Variants in TENM3 observed in about 807,000 individuals in gnomAD.
TENM3 encodes the protein teneurin transmembrane protein 3.
A neutral mutation model predicts 255.1 loss-of-function variants in TENM3; 63 were observed. That is an observed-to-expected ratio of 0.25 (90% CI 0.20 to 0.30). TENM3 has a LOEUF of 0.30. TENM3 is among the 10% of genes least tolerant of loss of function. TENM3 has a pLI of 1.00. For missense variants in TENM3, 2,929 were observed against 3,461.1 expected, an observed-to-expected ratio of 0.85 and a Z score of 3.86; for synonymous variants, 1,306 against 1,322.3, an observed-to-expected ratio of 0.99 and a Z score of 0.27.
At chr4:181,862,256 T>C in the TENM3 span, among the ~76,000 whole-genome samples, 1 of 151,938 alleles carries the variant, frequency 6.6e-6, no homozygotes, top group Non-Finnish European at 1.5e-5. Flanking sequence ...TTTCTACAAA[T>C]ATGAAACTAG....
chr4:182,410,364 T>C (rs1304879789), intron 3 of TENM3, among the ~76,000 whole-genome samples: 1 of 152,222 alleles, frequency 6.6e-6, no homozygotes, highest in East Asian at 1.9e-4. Flanking sequence ...TGTGTGGTCC[T>C]GAGTGCACAC....
chr4:182,323,180 G>A (rs1217819886), intron 1 of TENM3, among the ~76,000 whole-genome samples: 1 of 152,034 alleles, frequency 6.6e-6, no homozygotes, highest in Non-Finnish European at 1.5e-5. Flanking sequence ...TTTAAGCAGA[G>A]CAACACCATT....
chr4:181,750,097 G>C, the TENM3 span, among the ~76,000 whole-genome samples: 1 of 152,178 alleles, frequency 6.6e-6, no homozygotes, highest in East Asian at 1.9e-4. Flanking sequence ...AGAGAAGAAA[G>C]GACACGGGAA....
chr4:181,474,179 AG>A, the TENM3 span, among the ~76,000 whole-genome samples: 2 of 152,026 alleles, frequency 1.3e-5, no homozygotes, highest in Non-Finnish European at 2.9e-5. Flanking sequence ...ATGGGGAGTT[AG>A]GGGAGGGATA....
At chr4:181,877,388 G>A in the TENM3 span, among the ~76,000 whole-genome samples, 1 of 152,124 alleles carries the variant, frequency 6.6e-6, no homozygotes, top group South Asian at 2.1e-4. Context: ...TCCAATTACA[G>A]CAGATGCCTT....
At chr4:182,196,365 G>A (rs1010317221) in intron 1 of TENM3, among the ~76,000 whole-genome samples, 3 of 152,152 alleles carry the variant, frequency 2.0e-5, no homozygotes, top group Admixed American at 6.5e-5. Context: ...TGGAAGTGTA[G>A]CATCCAGAAA....
At chr4:182,760,564 G>A (rs371296833) in intron 22 of TENM3, among the ~76,000 whole-genome samples, 2 of 145,032 alleles carry the variant, frequency 1.4e-5, no homozygotes, top group African/African-American at 5.0e-5. Context: ...TAAATCTTGG[G>A]ACTTTGAATA....
rs996276977 is a variant in TENM3, at chr4:182,743,054, G to A, written c.3380-116G>A. On this transcript the variant is annotated intron_variant, in intron 18 of 27. Transcript: ENST00000511685. ...TTCCAATGGAGCTTCAAATAAGAATGTCTTAATCCAGACCTGACAGGCATT... is the reference window on the plus strand; with the variant it reads ...TTCCAATGGAGCTTCAAATAAGAATATCTTAATCCAGACCTGACAGGCATT... The A allele has an allele frequency of 5.5e-6, 6 of 1,098,210 alleles. No individual in the cohort carries two copies. In the Admixed American group the frequency reaches 1.1e-4, roughly 21 times the overall value. The allele number at this position is 1,098,210 out of a possible 1,614,324, so 68.0% of individuals were successfully genotyped here.
the TENM3 span, among the ~76,000 whole-genome samples, chr4:181,464,334 T>C: frequency 6.6e-6 from 1 of 152,200 alleles, no homozygotes; most frequent in Non-Finnish European, 1.5e-5. Flanking sequence ...TCCTTTTTAT[T>C]TTAGCCATTC....
At chr4:182,056,260 G>A in the TENM3 span, among the ~76,000 whole-genome samples, 3 of 152,142 alleles carry the variant, frequency 2.0e-5, no homozygotes, top group East Asian at 1.9e-4. Flanking sequence ...ATTCCAATTT[G>A]TTTGTTTTTA....
At chr4:181,626,356 G>C in the TENM3 span, among the ~76,000 whole-genome samples, 1 of 152,120 alleles carries the variant, frequency 6.6e-6, no homozygotes, top group East Asian at 1.9e-4. Flanking sequence ...CCATTTTTGC[G>C]TTGCTATTAA....
chr4:182,682,109 C>A, intron 11 of TENM3, 95 bp downstream of exon 11: 3 of 962,546 alleles, frequency 3.1e-6, no homozygotes, highest in Non-Finnish European at 4.7e-6. Flanking sequence ...AAACCTAATA[C>A]AAATTTTAGT....
chr4:182,358,501 A>C (rs1354590302), intron 3 of TENM3, among the ~76,000 whole-genome samples: 2 of 58,910 alleles, frequency 3.4e-5, no homozygotes, highest in African/African-American at 7.9e-5. Context: ...GAGTTCCCTC[A>C]TGATTTGGCT....
chr4:182,743,752 T>C (rs1426386726), intron 19 of TENM3, among the ~76,000 whole-genome samples: 1 of 152,218 alleles, frequency 6.6e-6, no homozygotes. Context: ...GTAGCTCTTT[T>C]ATTTCATAGT....
At chr4:182,634,158 AT>A (rs1434591286) in intron 5 of TENM3, among the ~76,000 whole-genome samples, 3 of 152,144 alleles carry the variant, frequency 2.0e-5, no homozygotes, top group African/African-American at 7.2e-5. Flanking sequence ...ACACTGTCCA[AT>A]TTAGTAGCCA....
the TENM3 span, among the ~76,000 whole-genome samples, chr4:181,828,415 A>T: frequency 6.6e-6 from 1 of 152,224 alleles, no homozygotes; most frequent in South Asian, 2.1e-4. Flanking sequence ...TTTACTGTTT[A>T]CAAAGCCCAC....
the TENM3 span, among the ~76,000 whole-genome samples, chr4:181,696,929 A>G: frequency 6.6e-6 from 1 of 152,214 alleles, no homozygotes; most frequent in African/African-American, 2.4e-5. Context: ...GAACAGGAGG[A>G]CAGAGCCTGA....
chr4:181,843,975 C>T, the TENM3 span, among the ~76,000 whole-genome samples: 4 of 152,108 alleles, frequency 2.6e-5, no homozygotes, highest in Non-Finnish European at 5.9e-5. Flanking sequence ...GCCTCGGCTT[C>T]CCAAAGTGCT....
At position 182,587,698 on chromosome 4, in the gene TENM3, A is replaced by G. The variant is rs531335899; in HGVS notation, c.512-13226A>G. Among the ~76,000 whole-genome samples the G allele has an allele frequency of 8.5e-5, 13 of 152,206 alleles. No individual in the cohort carries two copies. In the East Asian group the frequency reaches 2.1e-3, roughly 25 times the overall value. ...AGTTCTGGGATTACTGATACGGGCC[A>G]CTACACCTGGCCTGGTTTTCTTTTA... On this transcript the variant is annotated intron_variant, in intron 3 of 27. Coordinates refer to ENST00000511685, the MANE Select transcript of TENM3 (RefSeq NM_001080477.4).
Sources: gnomAD v4.1 joint callset for allele counts (sites outside exome capture counted in the v4.1 genomes callset) on GRCh38, gnomAD v4.1.1 for gene constraint, MANE v1.5 for transcripts, NCBI Gene and HGNC (gene_info 2026-07-23, HGNC 2026-07-21) for gene names.